Variants in DYSF observed in about 807,000 individuals in gnomAD.
DYSF encodes the protein dysferlin.
A neutral mutation model predicts 274.9 loss-of-function variants in DYSF; 212 were observed. That is an observed-to-expected ratio of 0.77 (90% confidence interval 0.69 to 0.86). The LOEUF (loss-of-function observed/expected upper bound fraction) is 0.86. Ranked by LOEUF, DYSF falls within the 40% of genes least tolerant of loss-of-function variation. DYSF has a pLI of 0.00. For synonymous variants in DYSF, 1,091 were observed against 1,078.7 expected (o/e 1.01, Z -0.22); for missense variants, 2,666 against 2,783.2 (o/e 0.96, Z 0.95).
chr2:71,568,312 A>C lies in DYSF; in HGVS notation c.2838A>C (p.Gly946=). 1.2e-6 allele frequency: 2 copies of C among 1,613,976 alleles called. No individual in the cohort carries two copies. Among genetic ancestry groups the C allele is most frequent in the Non-Finnish European group, 1.7e-6 (2 of 1,179,994 alleles). Residue 946 remains glycine, a synonymous_variant, in exon 26 of 56, where the codon GGA becomes GGC. Transcript: ENST00000410020. ...FRPSAGWTWA[G]DWFVCPEKTL... Reference sequence around the variant, plus strand: ...CCTCGGCCGGCTGGACCTGGGCTGGAGATTGGTTCGTGTGTCCGGAGAAGA... The same window carrying C: ...CCTCGGCCGGCTGGACCTGGGCTGGCGATTGGTTCGTGTGTCCGGAGAAGA...
At chr2:71,608,863 C>A (rs1028630207) in intron 36 of DYSF, among the ~76,000 whole-genome samples, 3 of 151,868 alleles carry the variant, frequency 2.0e-5, no homozygotes, top group Non-Finnish European at 2.9e-5. Flanking sequence ...TTTAAGAGAA[C>A]AAGTGTATGA....
At chr2:71,566,583 A>G (rs2152809356) in intron 24 of DYSF, among the ~76,000 whole-genome samples, 1 of 151,370 alleles carries the variant, frequency 6.6e-6, no homozygotes, top group East Asian at 2.0e-4. Context: ...TGCTGTTGCT[A>G]TTTTGGGTCC....
chr2:71,491,821 C>T (rs2083879843), intron 3 of DYSF, among the ~76,000 whole-genome samples: 1 of 152,172 alleles, frequency 6.6e-6, no homozygotes, highest in Admixed American at 6.5e-5. Context: ...CATCGATGGG[C>T]ATTTAGGTTG....
At chr2:71,617,479 A>G (rs966924792) in intron 40 of DYSF, among the ~76,000 whole-genome samples, 12 of 152,054 alleles carry the variant, frequency 7.9e-5, no homozygotes, top group Non-Finnish European at 1.5e-4. Context: ...CTGGCAGGCA[A>G]AAGGGCTCGG....
Position 71,516,167 on chromosome 2 carries a change from T to C in DYSF, c.889-13T>C. 3 of 1,614,130 alleles carry C rather than the reference T, an allele frequency of 1.9e-6. No individual in the cohort carries two copies. Among genetic ancestry groups the C allele is most frequent in the Non-Finnish European group, 2.5e-6 (3 of 1,179,976 alleles). On this transcript the variant is annotated splice_polypyrimidine_tract_variant and intron_variant, in intron 8 of 55. Transcript: ENST00000410020. ...CAGGCACTGATATGTCTCTCTTTGC[T>C]CTGAACCAACAGACTCTTTTCTTCA...
At chr2:71,563,460 C>G in intron 23 of DYSF, among the ~76,000 whole-genome samples, 1 of 152,198 alleles carries the variant, frequency 6.6e-6, no homozygotes, top group African/African-American at 2.4e-5. Flanking sequence ...GAGTGTGCAG[C>G]TGGGAGCAGT....
At chr2:71,486,195 C>T (rs539622639) in intron 3 of DYSF, among the ~76,000 whole-genome samples, 4 of 151,990 alleles carry the variant, frequency 2.6e-5, no homozygotes, top group East Asian at 1.9e-4. Flanking sequence ...TGAGCTCCCC[C>T]GCTGTCCAAC....
At chr2:71,577,530 A>T (rs112550798) in intron 30 of DYSF, among the ~76,000 whole-genome samples, 58,260 of 143,508 alleles carry the variant, frequency 0.41, 12,229 homozygotes, top group African/African-American at 0.56. Context: ...CAGCCCCCCC[A>T]CTCTCACACT....
chr2:71,541,678 T>A (rs1371349312), intron 17 of DYSF, among the ~76,000 whole-genome samples: 1 of 152,124 alleles, frequency 6.6e-6, no homozygotes, highest in Admixed American at 6.5e-5. Context: ...AAAGTATGGT[T>A]TCTGCCTTCT....
chr2:71,604,462 A>G (rs994928422), intron 36 of DYSF, among the ~76,000 whole-genome samples: 3 of 152,160 alleles, frequency 2.0e-5, no homozygotes, highest in Non-Finnish European at 4.4e-5. Context: ...AGAGTGCTCA[A>G]GCCTTTCTGG....
chr2:71,475,301 C>A (rs574137587), intron 1 of DYSF, among the ~76,000 whole-genome samples: 1 of 151,716 alleles, frequency 6.6e-6, no homozygotes, highest in Non-Finnish European at 1.5e-5. Flanking sequence ...TTGCAGTCAA[C>A]GTGGAAAGAA....
At chr2:71,454,523 G>A (rs966413155) in intron 1 of DYSF, among the ~76,000 whole-genome samples, 8 of 152,172 alleles carry the variant, frequency 5.3e-5, no homozygotes, top group African/African-American at 1.9e-4. Context: ...TGCTTTCCTG[G>A]CCCTTTGCTC....
intron 41 of DYSF, among the ~76,000 whole-genome samples, chr2:71,620,883 G>A (rs889164956): frequency 2.0e-5 from 3 of 152,084 alleles, no homozygotes; most frequent in African/African-American, 7.2e-5. Context: ...GGGCTGCATG[G>A]GCCAGTGGAA....
intron 30 of DYSF, among the ~76,000 whole-genome samples, chr2:71,583,043 CAAAAA>C (rs143738269): frequency 3.2e-4 from 16 of 49,950 alleles, no homozygotes; most frequent in South Asian, 2.2e-3. Flanking sequence ...GACTCCATCT[CAAAAA>C]AAAAAAAAAA....
At chr2:71,546,225 T>G (rs761334595) in intron 17 of DYSF, among the ~76,000 whole-genome samples, 2 of 152,254 alleles carry the variant, frequency 1.3e-5, no homozygotes, top group East Asian at 1.9e-4. Flanking sequence ...GCTCCAACTT[T>G]CCTTTCAGCC....
chr2:71,610,560 C>T (rs2093733987), intron 36 of DYSF, among the ~76,000 whole-genome samples: 1 of 152,188 alleles, frequency 6.6e-6, no homozygotes, highest in African/African-American at 2.4e-5. Flanking sequence ...CTGGCAAACT[C>T]TTAGTAGGCC....
intron 42 of DYSF, among the ~76,000 whole-genome samples, chr2:71,654,684 TTTATAAAATTGAATA>T (rs2094734437): frequency 6.6e-6 from 1 of 152,166 alleles, no homozygotes; most frequent in Admixed American, 6.5e-5. Flanking sequence ...TTGTGATACA[TTTATAAAATTGAATA>T]TCATATTGCC....
chr2:71,539,372 C>T, intron 17 of DYSF, 133 bp downstream of exon 17: 1 of 761,198 alleles, frequency 1.3e-6, no homozygotes, highest in Non-Finnish European at 2.3e-6. Context: ...CCATTTTCCA[C>T]TGAGAAGAGC....
Position 71,511,807 on chromosome 2 carries a change from G to T in DYSF, c.346G>T (p.Ala116Ser). ...LLDTKKQPTGASLVLQVSYTP... is the reference protein window; with the variant it reads ...LLDTKKQPTGSSLVLQVSYTP... ...GTCCCCCACGTCTCATCTCTTCCAG[G>T]CCTCGCTGGTCCTGCAGGTGTCCTA... Residue 116 changes from alanine (A) to serine (S), a missense_variant and splice_region_variant, in exon 5 of 56, where the codon GCC (alanine) becomes TCC (serine). Physicochemically the swap from Ala to Ser is moderately conservative, Grantham distance 99. Around this residue, in one of 3 missense-constraint regions of DYSF, gnomAD observed 794 missense variants for 777.1 expected, o/e 1.02. Transcript: ENST00000410020. 2.6e-6 allele frequency: 4 copies of T among 1,547,916 alleles called. No homozygotes were observed. In the South Asian group the frequency reaches 4.8e-5, roughly 18 times the overall value.
Sources: gnomAD v4.1 joint callset for allele counts (sites outside exome capture counted in the v4.1 genomes callset) on GRCh38, gnomAD v4.1.1 for gene constraint, gnomAD v4.1.1 regional missense constraint, MANE v1.5 for transcripts, NCBI Gene and HGNC (gene_info 2026-07-23, HGNC 2026-07-21) for gene names.